DGKD: variants seen among roughly 807,000 people sequenced by gnomAD.
DGKD encodes the protein diacylglycerol kinase delta, also known as DAG kinase delta.
In DGKD, 68 loss-of-function variants were observed where a neutral mutation model predicts 154.4. The ratio of observed to expected loss-of-function variants is 0.44; its 90% confidence interval spans 0.36 to 0.54. The LOEUF (loss-of-function observed/expected upper bound fraction) is 0.54, where lower values mean the gene tolerates loss of function less well. Among genes scored for constraint, DGKD ranks in the 20% least tolerant of loss-of-function variants. The probability of loss-of-function intolerance (pLI) is 0.00; values close to 1 mark genes in which losing one functional copy is unlikely to be tolerated. For missense variants in DGKD, 1,343 were observed against 1,593.6 expected (o/e 0.84, Z 2.68); for synonymous variants, 693 against 638.0 (o/e 1.09, Z -1.30).
In DGKD at chr2:233,413,679, G is replaced by A. The variant is rs533868714; in HGVS notation, c.349-20701G>A. 3.0e-4 allele frequency among the ~76,000 whole-genome samples: 45 copies of A among 152,206 alleles called. 1 individual carries two copies. The highest frequency in any genetic ancestry group is 2.1e-3 in the South Asian group (10 of 4,820). On this transcript the variant is annotated intron_variant, in intron 3 of 29. Transcript: ENST00000264057. ...CTGGGAAGCATTTTTGTCTCCCCCC[G>A]TCCACATGGGACCGTGTCGTCACTG...
intron 17 of DGKD, among the ~76,000 whole-genome samples, chr2:233,451,501 C>T (rs2063292157): frequency 6.6e-6 from 1 of 151,866 alleles, no homozygotes; most frequent in Admixed American, 6.6e-5. Flanking sequence ...CCTTAAGCCT[C>T]AACTCTCAGA....
chr2:233,449,830 G>A lies in DGKD; in HGVS notation c.1889-152G>A. On this transcript the variant is annotated intron_variant, in intron 15 of 29. Transcript: ENST00000264057. This position sits in a 1 kb window ranked among gnomAD's most constrained non-coding sequence, Gnocchi z 5.3. ...AGTGCCAGGACCAGGGGGAAGATGG[G>A]TGGGGGTGGGGTTTCGGAGTCCAAG... 1 of 900,840 alleles carries A rather than the reference G, an allele frequency of 1.1e-6. No individual in the cohort carries two copies. 55.8% of individuals were successfully genotyped at this position (900,840 alleles called of 1,614,324 possible).
At chr2:233,421,376 G>A (rs765218015) in intron 3 of DGKD, among the ~76,000 whole-genome samples, 5 of 152,196 alleles carry the variant, frequency 3.3e-5, no homozygotes, top group Non-Finnish European at 7.3e-5. Context: ...ATCTCGTGAT[G>A]GGGTTACTGA....
intron 3 of DGKD, chr2:233,429,224 C>T: frequency 1.0e-6 from 1 of 985,384 alleles, no homozygotes; most frequent in Non-Finnish European, 1.2e-6. Context: ...GACTCAGGAC[C>T]TAAAACATCT....
chr2:233,449,718 C>A lies in DGKD; in HGVS notation c.1889-264C>A, dbSNP rs2124864934. ...GCCGCTCCTCCCGCTTGCAGCCCTC[C>A]AGCCTGCGCCAGGCTCCTCTGCATC... is the stretch of plus-strand genomic sequence containing the variant. On this transcript the variant is annotated intron_variant, in intron 15 of 29. Transcript: ENST00000264057. This position sits in a 1 kb window ranked among gnomAD's most constrained non-coding sequence, Gnocchi z 5.3. 6.6e-6 allele frequency among the ~76,000 whole-genome samples: 1 copy of A among 152,322 alleles called. No homozygotes were observed. The highest frequency in any genetic ancestry group is 2.1e-4 in the South Asian group (1 of 4,828).
intron 27 of DGKD, 147 bp from the exon 28 acceptor site, chr2:233,466,939 G>T: frequency 1.5e-6 from 1 of 669,936 alleles, no homozygotes. Flanking sequence ...ATCAATAAGG[G>T]AGAGAAGCCC....
chr2:233,378,505 C>T (rs1186806836), intron 1 of DGKD, among the ~76,000 whole-genome samples: 1 of 152,042 alleles, frequency 6.6e-6, no homozygotes, highest in Non-Finnish European at 1.5e-5. Context: ...CCGCCTCAGC[C>T]TCCCGAAGTT....
intron 18 of DGKD, among the ~76,000 whole-genome samples, chr2:233,453,536 G>A (rs750071541): frequency 6.6e-6 from 1 of 152,258 alleles, no homozygotes. Context: ...CATGCTGGTT[G>A]TTCTCAGATC....
intron 3 of DGKD, among the ~76,000 whole-genome samples, chr2:233,394,626 A>AC (rs1003707835): frequency 7.0e-6 from 1 of 143,490 alleles, no homozygotes; most frequent in Non-Finnish European, 1.5e-5. Context: ...TGATATACAT[A>AC]CCCCCCACCC....
At chr2:233,380,624 A>C (rs961975172) in intron 1 of DGKD, among the ~76,000 whole-genome samples, 7 of 151,404 alleles carry the variant, frequency 4.6e-5, no homozygotes, top group African/African-American at 1.7e-4. Context: ...CGCGACCACC[A>C]CCCCCAGTTC....
At position 233,448,123 on chromosome 2, in the gene DGKD, G is replaced by C; in HGVS notation, c.1456G>C (p.Ala486Pro). Residue 486 changes from alanine (A) to proline (P), a missense_variant, in exon 13 of 30, where the codon GCC becomes CCC. Physicochemically the swap from Ala to Pro is conservative, Grantham distance 27. Around this residue, in one of 6 missense-constraint regions of DGKD, gnomAD observed 409 missense variants for 446.0 expected, o/e 0.92. Transcript: ENST00000264057. ...QILFYEDSVA[A>P]HLSKILTSDQ... The stretch of plus-strand genomic sequence containing the variant: ...TCTCTTCTATGAAGACTCGGTTGCA[G>C]CCCACCTTTCTAAAATCCTCACCTC... 6.2e-7 allele frequency: 1 copy of C among 1,614,112 alleles called. No individual in the cohort carries two copies. The highest frequency in any genetic ancestry group is 8.5e-7 in the Non-Finnish European group (1 of 1,180,020).
intron 1 of DGKD, among the ~76,000 whole-genome samples, chr2:233,367,826 G>A (rs1398173403): frequency 1.3e-5 from 2 of 148,804 alleles, no homozygotes; most frequent in East Asian, 4.0e-4. Context: ...CAGATTTCTA[G>A]GTCTTTTCTT....
At chr2:233,356,445 T>TA (rs1439369392) in intron 1 of DGKD, among the ~76,000 whole-genome samples, 1 of 152,172 alleles carries the variant, frequency 6.6e-6, no homozygotes, top group Non-Finnish European at 1.5e-5. Flanking sequence ...ATGATACTGA[T>TA]AGGAGTTGCT....
At chr2:233,431,207 C>G (rs186931741) in intron 3 of DGKD, among the ~76,000 whole-genome samples, 8 of 152,098 alleles carry the variant, frequency 5.3e-5, no homozygotes, top group Non-Finnish European at 8.8e-5. Context: ...CAAAAGAAAT[C>G]AAGAAAGTAA....
intron 27 of DGKD, among the ~76,000 whole-genome samples, chr2:233,465,392 TC>T (rs2063793566): frequency 6.6e-6 from 1 of 152,182 alleles, no homozygotes; most frequent in South Asian, 2.1e-4. Context: ...AAATTCCTCC[TC>T]TTACAGTGGA....
At chr2:233,367,806 G>T (rs1326842200) in intron 1 of DGKD, among the ~76,000 whole-genome samples, 5 of 150,258 alleles carry the variant, frequency 3.3e-5, no homozygotes, top group Non-Finnish European at 7.4e-5. Context: ...CTGTGTCATC[G>T]CTTGGTTTAC....
chr2:233,403,806 A>AT (rs1281459990), intron 3 of DGKD, among the ~76,000 whole-genome samples: 1 of 151,388 alleles, frequency 6.6e-6, no homozygotes, highest in Non-Finnish European at 1.5e-5. Context: ...CACCCAGCTA[A>AT]TTTTTTTGTA....
At position 233,468,481 on chromosome 2, in the gene DGKD, G is replaced by A; in HGVS notation, c.3483G>A (p.Glu1161=). ...GGCTGGAGCACCTCAGTCTCTGTGA[G>A]TATAAGGACATCTTCACACGGCACG... ...AAWLEHLSLC[E]YKDIFTRHDI... Residue 1161 remains glutamate, a synonymous_variant, in exon 29 of 30, where the codon GAG becomes GAA. Transcript: ENST00000264057. 6.2e-7 allele frequency: 1 copy of A among 1,613,716 alleles called. No homozygotes were observed. Among genetic ancestry groups the A allele is most frequent in the Non-Finnish European group, 8.5e-7 (1 of 1,179,966 alleles).
rs570040200 is a variant in DGKD at position 233,363,856 on chromosome 2, A to G, written c.156+9182A>G. Reference sequence around the variant, plus strand: ...TAGTCCAAGAGCAATAGGTCATGCCATACAGATGAGGTGTGTGCCATCTAG... The same window carrying G: ...TAGTCCAAGAGCAATAGGTCATGCCGTACAGATGAGGTGTGTGCCATCTAG... On this transcript the variant is annotated intron_variant, in intron 1 of 29. Coordinates refer to ENST00000264057, the MANE Select transcript of DGKD (RefSeq NM_152879.3). 8.5e-5 allele frequency among the ~76,000 whole-genome samples: 13 copies of G among 152,382 alleles called. No individual in the cohort carries two copies. The South Asian group carries it at 2.7e-3, about 32-fold the overall frequency.
Sources: gnomAD v4.1 joint callset for allele counts (sites outside exome capture counted in the v4.1 genomes callset) on GRCh38, gnomAD v4.1.1 for gene constraint, gnomAD v4.1.1 regional missense constraint, Gnocchi (gnomAD v3.1) non-coding constraint, MANE v1.5 for transcripts, NCBI Gene and HGNC (gene_info 2026-07-23, HGNC 2026-07-21) for gene names.